The following ATOSA variants were observed in gnomAD, a reference collection of about 807,000 sequenced individuals.
ATOSA encodes atos homolog protein A.
At chr15:52,685,538 A>G in the ATOSA span, among the ~76,000 whole-genome samples, 2 of 151,464 alleles carry the variant, frequency 1.3e-5, no homozygotes, top group African/African-American at 4.9e-5. Flanking sequence ...GGCTTAAATG[A>G]TCCTCCTGCT....
chr15:52,626,310 T>C, the ATOSA span, among the ~76,000 whole-genome samples: 4 of 152,144 alleles, frequency 2.6e-5, no homozygotes, highest in Non-Finnish European at 5.9e-5. Context: ...AAAGTCTAGA[T>C]CATGTGGTTC....
At chr15:52,598,595 C>T in the ATOSA span, 112 of 152,210 alleles carry the variant, frequency 7.4e-4, no homozygotes, top group African/African-American at 2.6e-3. Context: ...CTGAAGAAAA[C>T]ATCAAATTCA....
chr15:52,608,361 T>C, the ATOSA span, among the ~76,000 whole-genome samples: 1 of 152,232 alleles, frequency 6.6e-6, no homozygotes, highest in African/African-American at 2.4e-5. Context: ...ATGATCTTTA[T>C]TTCCTCCATT....
At chr15:52,628,695 G>C in the ATOSA span, among the ~76,000 whole-genome samples, 3 of 152,082 alleles carry the variant, frequency 2.0e-5, no homozygotes, top group Admixed American at 1.3e-4. Context: ...ATTATGAATA[G>C]ATTAAAAGCT....
At chr15:52,600,356 C>T in the ATOSA span, 2 of 568,734 alleles carry the variant, frequency 3.5e-6, no homozygotes, top group Non-Finnish European at 3.1e-6. Context: ...ATAGCTCATA[C>T]AGCTCAAACT....
At chr15:52,683,126 A>G in the ATOSA span, among the ~76,000 whole-genome samples, 1 of 152,186 alleles carries the variant, frequency 6.6e-6, no homozygotes, top group African/African-American at 2.4e-5. Flanking sequence ...GAGCTGCTGG[A>G]GGTCTCCGAC....
At chr15:52,658,521 G>C in the ATOSA span, 3 of 385,234 alleles carry the variant, frequency 7.8e-6, no homozygotes, top group African/African-American at 2.1e-5. Flanking sequence ...GGAAACATCA[G>C]TAAGACCTCA....
chr15:52,617,693 A>G, the ATOSA span, among the ~76,000 whole-genome samples: 1 of 150,954 alleles, frequency 6.6e-6, no homozygotes, highest in Non-Finnish European at 1.5e-5. Context: ...CATACAATGT[A>G]GCTTTTACTC....
chr15:52,611,849 C>A, the ATOSA span: 1,069,493 of 1,394,742 alleles, frequency 0.77, 422,987 homozygotes, highest in Middle Eastern at 0.83. Flanking sequence ...AGAAAATTAT[C>A]ATTGTAAAGT....
At chr15:52,631,726 CA>C in the ATOSA span, among the ~76,000 whole-genome samples, 1 of 152,106 alleles carries the variant, frequency 6.6e-6, no homozygotes, top group Non-Finnish European at 1.5e-5. Flanking sequence ...GTTGGCTGGA[CA>C]AATAACTAAA....
the ATOSA span, among the ~76,000 whole-genome samples, chr15:52,695,694 A>C: frequency 6.6e-6 from 1 of 152,242 alleles, no homozygotes; most frequent in African/African-American, 2.4e-5. Flanking sequence ...GTAGGAAAAA[A>C]TTGAGCAGAA....
the ATOSA span, among the ~76,000 whole-genome samples, chr15:52,664,192 T>G: frequency 1.3e-5 from 2 of 152,214 alleles, no homozygotes; most frequent in Non-Finnish European, 2.9e-5. Flanking sequence ...ACAACTGTCA[T>G]GACAGCAAAT....
chr15:52,611,636 G>C, the ATOSA span: 2 of 1,613,976 alleles, frequency 1.2e-6, no homozygotes, highest in Middle Eastern at 1.6e-4. Context: ...TTAATCGCAG[G>C]ATCATTTAGA....
At chr15:52,708,179 C>T in the ATOSA span, among the ~76,000 whole-genome samples, 4 of 152,206 alleles carry the variant, frequency 2.6e-5, no homozygotes, top group Admixed American at 2.6e-4. Context: ...ACCACACTTT[C>T]AGCATCTTGG....
At chr15:52,665,400 C>A in the ATOSA span, among the ~76,000 whole-genome samples, 2 of 152,152 alleles carry the variant, frequency 1.3e-5, no homozygotes, top group South Asian at 2.1e-4. Context: ...AGTAATTAGT[C>A]ATTTTCTTTC....
the ATOSA span, among the ~76,000 whole-genome samples, chr15:52,680,093 C>T: frequency 1.3e-5 from 2 of 151,734 alleles, no homozygotes; most frequent in South Asian, 4.2e-4. Flanking sequence ...AACACTGACT[C>T]ATGGGCAGGA....
the ATOSA span, among the ~76,000 whole-genome samples, chr15:52,700,170 C>T: frequency 6.6e-6 from 1 of 152,094 alleles, no homozygotes; most frequent in Non-Finnish European, 1.5e-5. Context: ...ACTCTATGAT[C>T]TTCTTGGTGA....
chr15:52,654,546 C>T, the ATOSA span, among the ~76,000 whole-genome samples: 11 of 152,258 alleles, frequency 7.2e-5, no homozygotes, highest in Non-Finnish European at 1.3e-4. Flanking sequence ...AGTTCTCAAT[C>T]CCCAATCACA....
the ATOSA span, among the ~76,000 whole-genome samples, chr15:52,605,409 CTAGAAGTGTT>C: frequency 6.6e-6 from 1 of 152,042 alleles, no homozygotes; most frequent in African/African-American, 2.4e-5. Flanking sequence ...TACTTGGGGA[CTAGAAGTGTT>C]TAGAAGTTTG....
Sources: allele counts gnomAD v4.1 joint callset (sites outside exome capture counted in the v4.1 genomes callset), GRCh38; gene constraint gnomAD v4.1.1; transcripts MANE v1.5; gene names NCBI Gene and HGNC (gene_info 2026-07-23, HGNC 2026-07-21).